Variants in DLEU7 observed in about 807,000 individuals in gnomAD.
The protein encoded by DLEU7 is leukemia-associated protein 7.
Under a neutral mutation model 16.0 loss-of-function variants are expected in DLEU7, and 17 were observed. That is an observed-to-expected ratio of 1.06 (90% CI 0.73 to 1.59). The LOEUF (loss-of-function observed/expected upper bound fraction) is 1.59. Ranked by LOEUF, DLEU7 falls within the 40% of genes most tolerant of loss-of-function variation. The probability of loss-of-function intolerance (pLI) is 0.00; values close to 1 mark genes in which losing one functional copy is unlikely to be tolerated. For missense variants in DLEU7, 308 were observed against 314.9 expected (o/e 0.98, Z 0.17); for synonymous variants, 113 against 139.8 (o/e 0.81, Z 1.35).
At position 50,811,926 on chromosome 13, in the gene DLEU7, T is replaced by C. The variant is rs774002387; in HGVS notation, c.459+31262A>G. ...TCTACTAAAAATACAAAAAATCAGC[T>C]GGGCATGGTGGCAGACTCCTATAAT... On this transcript the variant is annotated intron_variant, in intron 1 of 1. Transcript: ENST00000400393. Among the ~76,000 whole-genome samples the C allele has an allele frequency of 8.6e-4, 131 of 151,892 alleles. 3 individuals are homozygous for C. Among genetic ancestry groups the C allele is most frequent in the South Asian group, 2.3e-3 (11 of 4,802 alleles).
chr13:50,795,515 G>A (rs1295041804), intron 1 of DLEU7, among the ~76,000 whole-genome samples: 2 of 152,122 alleles, frequency 1.3e-5, no homozygotes, highest in Non-Finnish European at 2.9e-5. Flanking sequence ...GGTAGGCTGA[G>A]GTTAGATTGG....
At chr13:50,777,661 T>G (rs1056155385) in intron 1 of DLEU7, among the ~76,000 whole-genome samples, 3 of 152,204 alleles carry the variant, frequency 2.0e-5, no homozygotes, top group African/African-American at 7.2e-5. Flanking sequence ...GAAGAATTTC[T>G]TCTTTTGGGA....
intron 1 of DLEU7, among the ~76,000 whole-genome samples, chr13:50,773,500 G>A (rs77280887): frequency 6.6e-6 from 1 of 152,178 alleles, no homozygotes; most frequent in Non-Finnish European, 1.5e-5. Context: ...CTTTCTGTAT[G>A]TTAGTTTTCC....
At chr13:50,756,665 C>G (rs1214348770) in intron 1 of DLEU7, among the ~76,000 whole-genome samples, 1 of 152,160 alleles carries the variant, frequency 6.6e-6, no homozygotes, top group African/African-American at 2.4e-5. Flanking sequence ...AAGAACACAG[C>G]TTTTGTTCTT....
chr13:50,736,162 A>G (rs1182080850), intron 1 of DLEU7, among the ~76,000 whole-genome samples: 2 of 152,154 alleles, frequency 1.3e-5, no homozygotes, highest in Non-Finnish European at 2.9e-5. Flanking sequence ...ACATCATAAT[A>G]TTGAATACTA....
chr13:50,807,036 A>G (rs1293414812), intron 1 of DLEU7, among the ~76,000 whole-genome samples: 1 of 149,966 alleles, frequency 6.7e-6, no homozygotes, highest in Non-Finnish European at 1.5e-5. Context: ...TCCTACTTTT[A>G]AGAGTAGTCT....
intron 1 of DLEU7, among the ~76,000 whole-genome samples, chr13:50,774,606 C>T (rs78307643): frequency 0.011 from 1,729 of 152,156 alleles, 30 homozygotes; most frequent in African/African-American, 0.039. Context: ...TTGGGATTTG[C>T]GGAGTTTCAT....
intron 1 of DLEU7, among the ~76,000 whole-genome samples, chr13:50,778,379 G>A (rs1875562623): frequency 6.6e-6 from 1 of 152,094 alleles, no homozygotes; most frequent in African/African-American, 2.4e-5. Flanking sequence ...TTTTGGTAGG[G>A]ACACAGCCAA....
chr13:50,793,168 T>C (rs970192301), intron 1 of DLEU7, among the ~76,000 whole-genome samples: 6 of 152,164 alleles, frequency 3.9e-5, no homozygotes, highest in Admixed American at 3.3e-4. Flanking sequence ...TTTAGGATAA[T>C]GATTTCCAGA....
intron 1 of DLEU7, among the ~76,000 whole-genome samples, chr13:50,746,480 A>C (rs539789978): frequency 5.3e-5 from 8 of 152,346 alleles, no homozygotes; most frequent in African/African-American, 1.9e-4. Flanking sequence ...AGAATAGGTA[A>C]GCTATCAAAA....
intron 1 of DLEU7, among the ~76,000 whole-genome samples, chr13:50,744,134 A>C (rs958374708): frequency 6.6e-6 from 1 of 152,276 alleles, no homozygotes; most frequent in East Asian, 1.9e-4. Context: ...TCACCCTGGC[A>C]GCAGCAATTT....
chr13:50,827,820 CACA>C (rs1214859909), intron 1 of DLEU7, among the ~76,000 whole-genome samples: 2 of 152,120 alleles, frequency 1.3e-5, no homozygotes, highest in East Asian at 1.9e-4. Context: ...TATCAGAAAG[CACA>C]ACAAGTGCAA....
intron 1 of DLEU7, among the ~76,000 whole-genome samples, chr13:50,838,556 ATGT>A: frequency 1.3e-5 from 2 of 152,262 alleles, no homozygotes; most frequent in East Asian, 3.9e-4. Context: ...TGGGTGGCAA[ATGT>A]TGAATGCATT....
chr13:50,725,634 A>AAAATC (rs1350235717), intron 1 of DLEU7, among the ~76,000 whole-genome samples: 3 of 152,184 alleles, frequency 2.0e-5, no homozygotes, highest in Non-Finnish European at 2.9e-5. Context: ...GTAGATTTTA[A>AAAATC]AAATCAAAGA....
chr13:50,741,521 AC>A (rs1162868487), intron 1 of DLEU7, among the ~76,000 whole-genome samples: 1 of 152,140 alleles, frequency 6.6e-6, no homozygotes, highest in Non-Finnish European at 1.5e-5. Flanking sequence ...TTTCAGGACA[AC>A]TGTTTCAAAG....
intron 1 of DLEU7, among the ~76,000 whole-genome samples, chr13:50,754,405 G>T (rs1007736639): frequency 6.6e-6 from 1 of 152,144 alleles, no homozygotes; most frequent in Non-Finnish European, 1.5e-5. Flanking sequence ...GTTGGACAAG[G>T]CCTTTTACCA....
At chr13:50,836,271 G>A (rs1428695995) in intron 1 of DLEU7, among the ~76,000 whole-genome samples, 2 of 152,102 alleles carry the variant, frequency 1.3e-5, no homozygotes. Context: ...GTCCTCTACA[G>A]AGAGCACGAA....
chr13:50,732,775 T>C (rs1419993232), intron 1 of DLEU7, among the ~76,000 whole-genome samples: 1 of 152,098 alleles, frequency 6.6e-6, no homozygotes, highest in African/African-American at 2.4e-5. Flanking sequence ...AAAATAGCAG[T>C]AGTAACAACA....
intron 1 of DLEU7, among the ~76,000 whole-genome samples, chr13:50,730,750 G>A (rs1212019556): frequency 6.6e-6 from 1 of 152,114 alleles, no homozygotes; most frequent in Non-Finnish European, 1.5e-5. Flanking sequence ...CCAAAATTCT[G>A]CATCCCAAGA....
Sources: allele counts gnomAD v4.1 joint callset (sites outside exome capture counted in the v4.1 genomes callset), GRCh38; gene constraint gnomAD v4.1.1; transcripts MANE v1.5; gene names NCBI Gene and HGNC (gene_info 2026-07-23, HGNC 2026-07-21).